The following SHE variants were observed in gnomAD, a reference collection of about 807,000 sequenced individuals.
SHE encodes Src homology 2 domain containing E, also known as SH2 domain-containing adapter protein E.
Under a neutral mutation model 49.8 loss-of-function variants are expected in SHE, and 11 were observed. The ratio of observed to expected loss-of-function variants is 0.22; its 90% CI spans 0.14 to 0.37. SHE has a LOEUF of 0.37. Ranked by LOEUF, SHE falls within the 10% of genes least tolerant of loss-of-function variation. The pLI, the probability that SHE is intolerant of heterozygous loss-of-function variation, is 1.00. For synonymous variants in SHE, 310 were observed against 278.1 expected, an observed-to-expected ratio of 1.11 and a Z score of -1.14; for missense variants, 624 against 655.5, an observed-to-expected ratio of 0.95 and a Z score of 0.52.
chr1:154,480,146 G>T lies in SHE; in HGVS notation c.*4003C>A. On this transcript the variant is annotated 3_prime_UTR_variant, in exon 6 of 6. Transcript: ENST00000304760. ...CACAAAAATTGGAAATGAGAATACA[G>T]AAGAGTGATTCTAACCAGGTCATAA... 1 of 985,458 alleles carries T rather than the reference G, an allele frequency of 1.0e-6. No individual in the cohort carries two copies. Among genetic ancestry groups the T allele is most frequent in the Non-Finnish European group, 1.2e-6 (1 of 829,950 alleles). 61.0% of individuals were successfully genotyped at this position (985,458 alleles called of 1,614,324 possible).
intron 5 of SHE, chr1:154,484,634 T>C (rs1018954032): frequency 3.9e-5 from 11 of 282,860 alleles, no homozygotes; most frequent in Non-Finnish European, 6.0e-5. Flanking sequence ...AAACCAGTGC[T>C]TACGCCCAAG....
chr1:154,481,180 C>T lies in SHE; in HGVS notation c.*2969G>A, dbSNP rs1692010027. On this transcript the variant is annotated 3_prime_UTR_variant, in exon 6 of 6. Coordinates refer to ENST00000304760, the MANE Select transcript of SHE (RefSeq NM_001010846.3). ...CAAGGAAGCCATTAGGGACACCCTG[C>T]TGGGCCTAATTGTTTTTAGAACATA... The T allele has an allele frequency of 5.1e-6, 5 of 985,310 alleles. No homozygotes were observed. Among genetic ancestry groups the T allele is most frequent in the Admixed American group, 6.1e-5 (1 of 16,262 alleles). 61.0% of individuals were successfully genotyped at this position (985,310 alleles called of 1,614,324 possible). A position where few individuals can be genotyped will look rare whatever the true frequency, so the allele number is the denominator to read the frequency against.
chr1:154,479,952 A>T lies in SHE; in HGVS notation c.*4197T>A. ...GGACTGTATCAGAAATCCTTCAGAA[A>T]GCCCTACCCTTAAATGCACAGCTGC... On this transcript the variant is annotated 3_prime_UTR_variant, in exon 6 of 6. Transcript: ENST00000304760. The T allele has an allele frequency of 3.6e-5, 35 of 985,416 alleles. No individual in the cohort carries two copies. The highest frequency in any genetic ancestry group is 4.2e-5 in the Non-Finnish European group (35 of 829,938). The allele number at this position is 985,416 out of a possible 1,614,324, so 61.0% of individuals were successfully genotyped here. A position where few individuals can be genotyped will look rare whatever the true frequency, so the allele number is the denominator to read the frequency against.
At chr1:154,499,824 A>G (rs1692651474) in intron 1 of SHE, among the ~76,000 whole-genome samples, 2 of 152,192 alleles carry the variant, frequency 1.3e-5, no homozygotes, top group South Asian at 4.1e-4. Flanking sequence ...TACGTTCAAT[A>G]ATTCACAGGC....
chr1:154,484,913 C>G (rs1419894510), intron 5 of SHE: 1 of 148,810 alleles, frequency 6.7e-6, no homozygotes, highest in Non-Finnish European at 1.5e-5. Context: ...TGTAGTGAGC[C>G]GAGATTATGC....
chr1:154,483,955 G>A lies in SHE; in HGVS notation c.*194C>T, dbSNP rs1692092444. 10 of 1,372,598 alleles carry A rather than the reference G, an allele frequency of 7.3e-6. No homozygotes were observed. Among genetic ancestry groups the A allele is most frequent in the Admixed American group, 3.1e-5 (1 of 32,636 alleles). 85.0% of individuals were successfully genotyped at this position (1,372,598 alleles called of 1,614,324 possible). ...AGATGTTGCAGTGAGCCAAGATTGC[G>A]CCATTGCACTCCAGCCTGGGCAACA... On this transcript the variant is annotated 3_prime_UTR_variant, in exon 6 of 6. Transcript: ENST00000304760.
At chr1:154,484,983 A>G (rs901931801) in intron 5 of SHE, 1 of 151,298 alleles carries the variant, frequency 6.6e-6, no homozygotes, top group African/African-American at 2.4e-5. Context: ...AAAAAAAGAA[A>G]AAGAAAAGAA....
At chr1:154,473,479 G>A (rs908783277) in intron 1 of SHE, among the ~76,000 whole-genome samples, 16 of 151,550 alleles carry the variant, frequency 1.1e-4, no homozygotes, top group African/African-American at 3.9e-4. Flanking sequence ...TGTGTGTTGG[G>A]GGGACAGGGG....
At chr1:154,501,057 G>A (rs1322192258) in intron 1 of SHE, among the ~76,000 whole-genome samples, 2 of 152,150 alleles carry the variant, frequency 1.3e-5, no homozygotes, top group Non-Finnish European at 2.9e-5. Context: ...CATTCCTTAT[G>A]CTCAAGAAGC....
At chr1:154,470,099 C>A in exon 2 of SHE, 1 of 350,020 alleles carries the variant, frequency 2.9e-6, no homozygotes. Context: ...CAGAGGAAAG[C>A]CACAGGACAG....
At chr1:154,488,245 T>G (rs1442886724) in intron 3 of SHE, among the ~76,000 whole-genome samples, 2 of 151,626 alleles carry the variant, frequency 1.3e-5, no homozygotes, top group African/African-American at 4.9e-5. Context: ...CCAGCATAGT[T>G]ATACTTTTGT....
chr1:154,501,207 T>C (rs1008714979), intron 1 of SHE, among the ~76,000 whole-genome samples: 1 of 152,180 alleles, frequency 6.6e-6, no homozygotes, highest in Non-Finnish European at 1.5e-5. Context: ...CAAAATTCAA[T>C]GGCTAGTACA....
rs1692099353 is a variant in SHE, at chr1:154,484,136, C to T, written c.*13G>A. 6.2e-7 allele frequency: 1 copy of T among 1,607,976 alleles called. No homozygotes were observed. Among genetic ancestry groups the T allele is most frequent in the African/African-American group, 1.3e-5 (1 of 74,848 alleles). On this transcript the variant is annotated 3_prime_UTR_variant, in exon 6 of 6. Transcript: ENST00000304760. ...GAAGGTGCCAGAGGCCCAGGGCTTG[C>T]AGTGGCTGAATCTTAGTGAAGCTTG... is the stretch of plus-strand genomic sequence containing the variant.
At chr1:154,484,519 T>C (rs1478416219) in intron 5 of SHE, 184 bp from the exon 6 acceptor site, 1 of 553,666 alleles carries the variant, frequency 1.8e-6, no homozygotes, top group Non-Finnish European at 3.2e-6. Context: ...TCTAAACGCA[T>C]GTAATCCTTG....
At chr1:154,500,787 TGA>T (rs1692696293) in intron 1 of SHE, among the ~76,000 whole-genome samples, 1 of 152,204 alleles carries the variant, frequency 6.6e-6, no homozygotes, top group South Asian at 2.1e-4. Flanking sequence ...GTAATTTCCT[TGA>T]GAGCATTTCC....
At chr1:154,477,246 T>C (rs553181848), downstream of SHE, among the ~76,000 whole-genome samples, 73 of 152,338 alleles carry the variant, frequency 4.8e-4, no homozygotes, top group African/African-American at 1.6e-3. Context: ...AGAGAGCACA[T>C]TGATCACACA....
chr1:154,485,698 G>T, intron 5 of SHE: 1 of 424,688 alleles, frequency 2.4e-6, no homozygotes, highest in East Asian at 3.6e-5. Flanking sequence ...GGTAGACATT[G>T]ACTAATGCAC....
chr1:154,488,192 C>T (rs749082144), intron 3 of SHE, among the ~76,000 whole-genome samples: 1 of 151,890 alleles, frequency 6.6e-6, no homozygotes, highest in African/African-American at 2.4e-5. Flanking sequence ...CTGCCTGCCT[C>T]GGCCTCCCAA....
In SHE at chr1:154,482,010, CT is replaced by C. The variant is rs60307202; in HGVS notation, c.*2138del. 643 of 113,464 alleles carry C rather than the reference CT, an allele frequency of 5.7e-3. 2 individuals carry two copies. The highest frequency in any genetic ancestry group is 0.052 in the East Asian group (214 of 4,106). 7.0% of individuals were successfully genotyped at this position (113,464 alleles called of 1,614,324 possible). A position where few individuals can be genotyped will look rare whatever the true frequency, so the allele number is the denominator to read the frequency against. ...CACAGGCATCCACCACCAGGCCAGG[CT>C]TTTTTTTTTTTTTTTTTTTGAGATG... On this transcript the variant is annotated 3_prime_UTR_variant, in exon 6 of 6. Transcript: ENST00000304760.
Sources: gnomAD v4.1 joint callset for allele counts (sites outside exome capture counted in the v4.1 genomes callset) on GRCh38, gnomAD v4.1.1 for gene constraint, MANE v1.5 for transcripts, NCBI Gene and HGNC (gene_info 2026-07-23, HGNC 2026-07-21) for gene names.